KLF12: variants seen among roughly 807,000 people sequenced by gnomAD.
KLF12 encodes the protein KLF transcription factor 12, also known as Krueppel-like factor 12.
A neutral mutation model predicts 37.8 loss-of-function variants in KLF12; 9 were observed. The ratio of observed to expected loss-of-function variants is 0.24; its 90% CI spans 0.14 to 0.42. KLF12 has a LOEUF of 0.42. KLF12 is among the 10% of genes least tolerant of loss of function. The pLI is 1.00. For missense variants in KLF12, 411 were observed against 516.0 expected, an observed-to-expected ratio of 0.80 and a Z score of 1.97; for synonymous variants, 208 against 202.1, an observed-to-expected ratio of 1.03 and a Z score of -0.25.
the KLF12 span, among the ~76,000 whole-genome samples, chr13:74,180,043 TATC>T: frequency 6.6e-6 from 1 of 152,190 alleles, no homozygotes; most frequent in East Asian, 1.9e-4. Context: ...CGTCTTCACT[TATC>T]ATTTGTGTGC....
the KLF12 span, among the ~76,000 whole-genome samples, chr13:74,275,607 A>G: frequency 6.6e-6 from 1 of 152,070 alleles, no homozygotes; most frequent in Admixed American, 6.6e-5. Context: ...GTATCTTAAA[A>G]TATATTTAAA....
At chr13:73,970,970 A>G (rs1891318559) in intron 2 of KLF12, among the ~76,000 whole-genome samples, 1 of 152,312 alleles carries the variant, frequency 6.6e-6, no homozygotes, top group South Asian at 2.1e-4. Flanking sequence ...AAAAAATGTT[A>G]ACATTGACTG....
chr13:73,898,923 G>A (rs1421790704), intron 3 of KLF12, among the ~76,000 whole-genome samples: 2 of 152,200 alleles, frequency 1.3e-5, no homozygotes, highest in African/African-American at 4.8e-5. Context: ...TGGATTAAGG[G>A]ACACTGCAGA....
At chr13:73,902,438 T>A (rs1435204791) in intron 3 of KLF12, among the ~76,000 whole-genome samples, 1 of 152,202 alleles carries the variant, frequency 6.6e-6, no homozygotes, top group Non-Finnish European at 1.5e-5. Flanking sequence ...AGAATATCAT[T>A]TCCATTTTTA....
Position 73,839,536 on chromosome 13 carries a change from C to T in KLF12, c.670+6291G>A, listed in dbSNP as rs77294565. The stretch of plus-strand genomic sequence containing the variant: ...ATTTTCAGTTATCCTGCACATTCCA[C>T]TAAACAATGAAGAAAAAATGTTGAT... On this transcript the variant is annotated intron_variant, in intron 4 of 7. Coordinates refer to ENST00000377669, the MANE Select transcript of KLF12 (RefSeq NM_007249.5). Among the ~76,000 whole-genome samples, 663 of 152,130 alleles carry T rather than the reference C, an allele frequency of 4.4e-3. 3 individuals are homozygous for T. Among genetic ancestry groups the T allele is most frequent in the African/African-American group, 0.015 (629 of 41,516 alleles).
chr13:73,805,889 C>T (rs1053822852), intron 5 of KLF12, among the ~76,000 whole-genome samples: 1 of 152,076 alleles, frequency 6.6e-6, no homozygotes, highest in Admixed American at 6.5e-5. Flanking sequence ...ACTGCAACCT[C>T]CACCTCCTGG....
At chr13:73,989,877 T>C (rs1891920608) in intron 2 of KLF12, among the ~76,000 whole-genome samples, 1 of 152,044 alleles carries the variant, frequency 6.6e-6, no homozygotes, top group South Asian at 2.1e-4. Context: ...CAAATATCTC[T>C]TCATAGACTC....
chr13:74,209,394 T>C, the KLF12 span, among the ~76,000 whole-genome samples: 14 of 152,196 alleles, frequency 9.2e-5, no homozygotes, highest in East Asian at 2.5e-3. Flanking sequence ...AGCACTGGGA[T>C]TGATTTTTAG....
At chr13:73,851,646 T>A (rs2138727734) in intron 3 of KLF12, among the ~76,000 whole-genome samples, 2 of 152,328 alleles carry the variant, frequency 1.3e-5, no homozygotes, top group Middle Eastern at 6.8e-3. Flanking sequence ...TTTAGCAGTC[T>A]TATTATGAGA....
intron 2 of KLF12, among the ~76,000 whole-genome samples, chr13:73,974,115 C>T (rs1168953850): frequency 1.3e-5 from 2 of 151,792 alleles, no homozygotes; most frequent in Non-Finnish European, 2.9e-5. Flanking sequence ...AGATAAGAGG[C>T]ACAAAGAACA....
chr13:73,798,838 T>C (rs930109212), intron 5 of KLF12, among the ~76,000 whole-genome samples: 3 of 152,164 alleles, frequency 2.0e-5, no homozygotes, highest in Admixed American at 6.6e-5. Context: ...TCAACCATTG[T>C]GGAAAGCAGT....
At chr13:74,188,952 G>A in the KLF12 span, among the ~76,000 whole-genome samples, 1 of 152,114 alleles carries the variant, frequency 6.6e-6, no homozygotes, top group Non-Finnish European at 1.5e-5. Context: ...AGCTGACATT[G>A]AGCCACTGCA....
At chr13:73,951,407 C>A (rs77355069) in intron 2 of KLF12, among the ~76,000 whole-genome samples, 1 of 152,110 alleles carries the variant, frequency 6.6e-6, no homozygotes, top group African/African-American at 2.4e-5. Flanking sequence ...ATTATATAAT[C>A]TGTCCAAGAT....
chr13:74,060,484 T>TTG (rs60242793), intron 1 of KLF12, among the ~76,000 whole-genome samples: 13,997 of 108,322 alleles, frequency 0.13, 754 homozygotes, highest in Admixed American at 0.16. Flanking sequence ...TACCTAGGTT[T>TTG]TGTGTGTGTG....
intron 3 of KLF12, among the ~76,000 whole-genome samples, chr13:73,908,391 G>C (rs1888405036): frequency 8.1e-6 from 1 of 123,290 alleles, no homozygotes; most frequent in South Asian, 2.6e-4. Flanking sequence ...GACAGAGCGA[G>C]ACTCTGTCTC....
chr13:73,771,652 T>C (rs1880281308), intron 5 of KLF12, among the ~76,000 whole-genome samples: 1 of 152,220 alleles, frequency 6.6e-6, no homozygotes, highest in African/African-American at 2.4e-5. Flanking sequence ...ATGCGAGGTC[T>C]TGCATTGTAA....
intron 6 of KLF12, among the ~76,000 whole-genome samples, chr13:73,733,716 A>C (rs1339010474): frequency 6.6e-6 from 1 of 152,108 alleles, no homozygotes; most frequent in African/African-American, 2.4e-5. Context: ...TTGTATGTTT[A>C]ACTTTTTAAG....
rs182954793 is a variant in KLF12, at chr13:73,694,071, G to A, written c.*1419C>T. The A allele has an allele frequency of 6.6e-6, 1 of 152,560 alleles. No homozygotes were observed. The highest frequency in any genetic ancestry group is 2.4e-5 in the African/African-American group (1 of 41,430). The allele number at this position is 152,560 out of a possible 1,614,324, so 9.5% of individuals were successfully genotyped here. ...TGCAGGACACCTGGGTCCTGATACA[G>A]TTTAGAAAATGAAATCGGTATAGAA... On this transcript the variant is annotated 3_prime_UTR_variant, in exon 8 of 8. Transcript: ENST00000377669.
chr13:74,169,266 A>G, the KLF12 span, among the ~76,000 whole-genome samples: 4 of 152,254 alleles, frequency 2.6e-5, no homozygotes, highest in Non-Finnish European at 4.4e-5. Context: ...AGTTCTGTTC[A>G]GATAATAAAA....
Sources: gnomAD v4.1 joint callset for allele counts (sites outside exome capture counted in the v4.1 genomes callset) on GRCh38, gnomAD v4.1.1 for gene constraint, MANE v1.5 for transcripts, NCBI Gene and HGNC (gene_info 2026-07-23, HGNC 2026-07-21) for gene names.